GRIA1: variants seen among roughly 807,000 people sequenced by gnomAD.
GRIA1 encodes the protein glutamate receptor 1.
In GRIA1, 31 loss-of-function variants were observed where a neutral mutation model predicts 99.2. The ratio of observed to expected loss-of-function variants is 0.31; its 90% CI spans 0.23 to 0.42. GRIA1 has a LOEUF of 0.42. Among genes scored for constraint, GRIA1 ranks in the 10% least tolerant of loss-of-function variants. The pLI is 1.00. For missense variants in GRIA1, 782 were observed against 1,157.5 expected, an observed-to-expected ratio of 0.68 and a Z score of 4.71; for synonymous variants, 438 against 432.4, an observed-to-expected ratio of 1.01 and a Z score of -0.16.
intron 13 of GRIA1, among the ~76,000 whole-genome samples, chr5:153,771,547 G>A (rs540086795): frequency 2.0e-4 from 31 of 152,282 alleles, no homozygotes; most frequent in African/African-American, 7.0e-4. Context: ...AGGAGAGACA[G>A]ACATTAAAGA....
chr5:153,509,432 C>T (rs1219422008), intron 2 of GRIA1, among the ~76,000 whole-genome samples: 1 of 152,182 alleles, frequency 6.6e-6, no homozygotes, highest in Non-Finnish European at 1.5e-5. Context: ...TTCCTTTTCT[C>T]TTATCTCACT....
Position 153,550,402 on chromosome 5 carries a change from G to A in GRIA1, c.220+56337G>A, listed in dbSNP as rs375375592. ...TTTAAAAGATGAAAAAAAAAATTAA[G>A]GCAGGGTAGGAGCAGAAGCACTCAG... On this transcript the variant is annotated intron_variant, in intron 2 of 15. Coordinates refer to ENST00000285900, the MANE Select transcript of GRIA1 (RefSeq NM_000827.4). Among the ~76,000 whole-genome samples, 5 of 152,028 alleles carry A rather than the reference G, an allele frequency of 3.3e-5. No individual in the cohort carries two copies. In the South Asian group the frequency reaches 1.0e-3, roughly 32 times the overall value.
chr5:153,755,179 G>A (rs945878308), intron 11 of GRIA1, among the ~76,000 whole-genome samples: 18 of 152,318 alleles, frequency 1.2e-4, no homozygotes, highest in Middle Eastern at 3.4e-3. Context: ...GCTCATCAGA[G>A]TTTGAATTTA....
chr5:153,644,203 C>T (rs1013707194), intron 2 of GRIA1, among the ~76,000 whole-genome samples: 2 of 152,106 alleles, frequency 1.3e-5, no homozygotes, highest in Non-Finnish European at 2.9e-5. Flanking sequence ...GTGATGTATG[C>T]TTCCTGGTAG....
rs1561686739 is a variant in GRIA1, at chr5:153,609,559, T to TC, written c.221-37369_221-37368insC. ...ATTTGGGATTCAGACTCTTTTCTTTTTTTTTTTTTTTTTTTTTTTTTTGAG... is the reference window on the plus strand; with the variant it reads ...ATTTGGGATTCAGACTCTTTTCTTTTCTTTTTTTTTTTTTTTTTTTTTTGAG... On this transcript the variant is annotated intron_variant, in intron 2 of 15. Coordinates refer to ENST00000285900, the MANE Select transcript of GRIA1 (RefSeq NM_000827.4). Among the ~76,000 whole-genome samples, 6 of 80,702 alleles carry TC rather than the reference T, an allele frequency of 7.4e-5. 1 individual carries two copies. The highest frequency in any genetic ancestry group is 1.3e-4 in the Non-Finnish European group (4 of 30,302). The allele number at this position is 80,702 out of a possible 152,430, so 52.9% of individuals were successfully genotyped here.
chr5:153,642,338 C>T (rs902975864), intron 2 of GRIA1, among the ~76,000 whole-genome samples: 6 of 152,184 alleles, frequency 3.9e-5, no homozygotes, highest in African/African-American at 1.4e-4. Flanking sequence ...AAACCCACCT[C>T]AGGGAATGAA....
At chr5:153,677,244 T>C (rs1424042404) in intron 7 of GRIA1, 83 bp downstream of exon 7, 2 of 1,172,398 alleles carry the variant, frequency 1.7e-6, no homozygotes, top group Non-Finnish European at 2.2e-6. Flanking sequence ...ACAGCTATTC[T>C]AAAGAAAAGG....
chr5:153,519,462 T>G (rs1217904430), intron 2 of GRIA1, among the ~76,000 whole-genome samples: 1 of 151,592 alleles, frequency 6.6e-6, no homozygotes, highest in Non-Finnish European at 1.5e-5. Flanking sequence ...GATCAGAGTC[T>G]GAAGTTTTTC....
In GRIA1 at chr5:153,775,901, C is replaced by T. The variant is rs549005690; in HGVS notation, c.2270+5486C>T. Among the ~76,000 whole-genome samples, 662 of 75,886 alleles carry T rather than the reference C, an allele frequency of 8.7e-3. 8 individuals carry two copies. The highest frequency in any genetic ancestry group is 0.031 in the African/African-American group (618 of 19,640). The allele number at this position is 75,886 out of a possible 152,430, so 49.8% of individuals were successfully genotyped here. A position where few individuals can be genotyped will look rare whatever the true frequency, so the allele number is the denominator to read the frequency against. ...GAGGAAAAGAGAGCAAATGCAGAAA[C>T]GGAAAAAAAAAAACATGGGGCTTGT... On this transcript the variant is annotated intron_variant, in intron 13 of 15. Coordinates refer to ENST00000285900, the MANE Select transcript of GRIA1 (RefSeq NM_000827.4).
intron 2 of GRIA1, among the ~76,000 whole-genome samples, chr5:153,645,910 A>G (rs913689488): frequency 2.0e-5 from 3 of 152,246 alleles, no homozygotes; most frequent in South Asian, 2.1e-4. Flanking sequence ...TTTTCATGAC[A>G]AGGATGAATG....
chr5:153,569,954 T>C (rs1167275495), intron 2 of GRIA1, among the ~76,000 whole-genome samples: 1 of 152,190 alleles, frequency 6.6e-6, no homozygotes, highest in Non-Finnish European at 1.5e-5. Context: ...GTTGAGGCTT[T>C]ATGAACCTTA....
At chr5:153,630,873 T>C (rs1046593021) in intron 2 of GRIA1, among the ~76,000 whole-genome samples, 3 of 152,180 alleles carry the variant, frequency 2.0e-5, no homozygotes, top group Non-Finnish European at 4.4e-5. Context: ...AAGTCTATAA[T>C]GCAGTGTTCT....
At chr5:153,609,851 G>A (rs989866837) in intron 2 of GRIA1, among the ~76,000 whole-genome samples, 2 of 152,032 alleles carry the variant, frequency 1.3e-5, no homozygotes, top group African/African-American at 2.4e-5. Context: ...ATGAGCCACC[G>A]AGCCCAGCCC....
chr5:153,497,592 G>A (rs888576255), intron 2 of GRIA1, among the ~76,000 whole-genome samples: 1 of 152,112 alleles, frequency 6.6e-6, no homozygotes. Context: ...AATTCACTCA[G>A]GGAGCTTGTT....
At chr5:153,553,890 T>C (rs970004344) in intron 2 of GRIA1, among the ~76,000 whole-genome samples, 1 of 152,156 alleles carries the variant, frequency 6.6e-6, no homozygotes, top group Non-Finnish European at 1.5e-5. Context: ...ACATTTCTTG[T>C]GGTGGCAGCA....
At chr5:153,665,036 C>T (rs145134067) in intron 5 of GRIA1, among the ~76,000 whole-genome samples, 14 of 152,336 alleles carry the variant, frequency 9.2e-5, no homozygotes, top group Admixed American at 8.5e-4. Context: ...TTTGCTCTTG[C>T]TCTGAAATGG....
intron 2 of GRIA1, among the ~76,000 whole-genome samples, chr5:153,505,525 C>T (rs188837006): frequency 1.4e-4 from 22 of 152,324 alleles, no homozygotes; most frequent in Non-Finnish European, 2.8e-4. Context: ...GTGTCCCAGT[C>T]AACCCACAGC....
At chr5:153,558,406 C>A (rs1325817189) in intron 2 of GRIA1, among the ~76,000 whole-genome samples, 3 of 152,106 alleles carry the variant, frequency 2.0e-5, no homozygotes, top group East Asian at 1.9e-4. Flanking sequence ...TCCCCTGCAA[C>A]CCCAGCCTCT....
At chr5:153,500,736 ATAGG>A (rs933985365) in intron 2 of GRIA1, among the ~76,000 whole-genome samples, 2 of 151,684 alleles carry the variant, frequency 1.3e-5, no homozygotes, top group African/African-American at 2.4e-5. Context: ...ATTTGGAAAG[ATAGG>A]TAGGATGTAG....
Sources: gnomAD v4.1 joint callset for allele counts (sites outside exome capture counted in the v4.1 genomes callset) on GRCh38, gnomAD v4.1.1 for gene constraint, MANE v1.5 for transcripts, NCBI Gene and HGNC (gene_info 2026-07-23, HGNC 2026-07-21) for gene names.